TRIM44: variants seen among roughly 807,000 people sequenced by gnomAD.
The protein encoded by TRIM44 is tripartite motif containing 44, also known as tripartite motif-containing protein 44.
Under a neutral mutation model 37.4 loss-of-function variants are expected in TRIM44, and 13 were observed. That is an observed-to-expected ratio of 0.35 (90% CI 0.23 to 0.55). TRIM44 has a LOEUF of 0.55. Ranked by LOEUF, TRIM44 falls within the 20% of genes least tolerant of loss-of-function variation. The pLI is 0.89. For missense variants in TRIM44, 426 were observed against 437.2 expected (o/e 0.97, Z 0.23); for synonymous variants, 175 against 157.2 (o/e 1.11, Z -0.85).
chr11:35,701,643 T>A (rs1311344938), intron 2 of TRIM44, among the ~76,000 whole-genome samples: 2 of 152,200 alleles, frequency 1.3e-5, no homozygotes, highest in African/African-American at 4.8e-5. Flanking sequence ...ACCAGTTTTC[T>A]GGGCTGTCTT....
chr11:35,768,990 C>G (rs1325352960), intron 4 of TRIM44, among the ~76,000 whole-genome samples: 1 of 152,140 alleles, frequency 6.6e-6, no homozygotes, highest in African/African-American at 2.4e-5. Flanking sequence ...CATCAAAAAG[C>G]AGATGTTTAA....
intron 4 of TRIM44, among the ~76,000 whole-genome samples, chr11:35,750,679 C>G (rs781019438): frequency 2.0e-5 from 3 of 152,138 alleles, no homozygotes; most frequent in Non-Finnish European, 4.4e-5. Context: ...TTTTTCTCCA[C>G]TAGATGTTGG....
chr11:35,708,984 C>T (rs1162074982), intron 2 of TRIM44, among the ~76,000 whole-genome samples: 4 of 11,276 alleles, frequency 3.5e-4, no homozygotes, highest in Non-Finnish European at 5.3e-4. Flanking sequence ...GTTGCCATGC[C>T]CCCCCCCCAA....
chr11:35,772,687 C>G (rs948430995), intron 4 of TRIM44, among the ~76,000 whole-genome samples: 2 of 152,148 alleles, frequency 1.3e-5, no homozygotes, highest in Admixed American at 1.3e-4. Context: ...TTACCCATGT[C>G]ACACAGGTAG....
chr11:35,713,269 T>TC (rs1167134162), intron 2 of TRIM44, among the ~76,000 whole-genome samples: 1 of 152,144 alleles, frequency 6.6e-6, no homozygotes, highest in African/African-American at 2.4e-5. Flanking sequence ...TCTCCCTACT[T>TC]CCTAACTCAG....
At chr11:35,669,456 CTTTATTTATTTA>C (rs35954725) in intron 1 of TRIM44, among the ~76,000 whole-genome samples, 94 of 148,394 alleles carry the variant, frequency 6.3e-4, no homozygotes, top group East Asian at 3.0e-3. Context: ...AAAGGATCCC[CTTTATTTATTTA>C]TTTATTTATT....
intron 4 of TRIM44, among the ~76,000 whole-genome samples, chr11:35,782,901 A>G (rs969112242): frequency 6.6e-6 from 1 of 152,208 alleles, no homozygotes; most frequent in African/African-American, 2.4e-5. Flanking sequence ...GCCTCCTTAT[A>G]ATAAGTTTGT....
Position 35,771,475 on chromosome 11 carries a change from C to T in TRIM44, c.1008-34883C>T, listed in dbSNP as rs185290309. Among the ~76,000 whole-genome samples the T allele has an allele frequency of 1.9e-3, 292 of 152,194 alleles. 2 individuals are homozygous for T. The highest frequency in any genetic ancestry group is 6.5e-3 in the African/African-American group (271 of 41,534). On this transcript the variant is annotated intron_variant, in intron 4 of 4. Coordinates refer to ENST00000299413, the MANE Select transcript of TRIM44 (RefSeq NM_017583.6). ...GCACGGTGGCTCATGCCTGTAATCCCGGCACTTTGGGAGGCCAAGGTGGGC... is the reference window on the plus strand; with the variant it reads ...GCACGGTGGCTCATGCCTGTAATCCTGGCACTTTGGGAGGCCAAGGTGGGC...
At chr11:35,696,573 G>A (rs956515831) in intron 2 of TRIM44, among the ~76,000 whole-genome samples, 1 of 151,816 alleles carries the variant, frequency 6.6e-6, no homozygotes, top group Non-Finnish European at 1.5e-5. Flanking sequence ...CAAAGGCCAA[G>A]CGCAGTGGCT....
chr11:35,779,316 G>T (rs1044932084), intron 4 of TRIM44, among the ~76,000 whole-genome samples: 1 of 152,206 alleles, frequency 6.6e-6, no homozygotes, highest in African/African-American at 2.4e-5. Flanking sequence ...TAGGGTGCAA[G>T]TGTCCCGATT....
chr11:35,760,557 A>G (rs1852711332), intron 4 of TRIM44, among the ~76,000 whole-genome samples: 1 of 152,202 alleles, frequency 6.6e-6, no homozygotes, highest in Admixed American at 6.5e-5. Flanking sequence ...TCAGTTGGAA[A>G]TGCAGAAATC....
Position 35,774,269 on chromosome 11 carries a change from T to C in TRIM44, c.1008-32089T>C, listed in dbSNP as rs559593041. Among the ~76,000 whole-genome samples, 133 of 152,368 alleles carry C rather than the reference T, an allele frequency of 8.7e-4. 1 individual carries two copies. Among genetic ancestry groups the C allele is most frequent in the African/African-American group, 3.1e-3 (129 of 41,590 alleles). ...GTGTCTGTTGGCTGCATAAATGTCT[T>C]CTTCTGAAAAGTGTCTGTCATATCC... On this transcript the variant is annotated intron_variant, in intron 4 of 4. Transcript: ENST00000299413.
At chr11:35,695,640 G>C (rs1364332397) in intron 2 of TRIM44, among the ~76,000 whole-genome samples, 1 of 152,028 alleles carries the variant, frequency 6.6e-6, no homozygotes, top group East Asian at 1.9e-4. Context: ...GATTTTGTGT[G>C]CTCATGAAGT....
intron 4 of TRIM44, among the ~76,000 whole-genome samples, chr11:35,738,670 T>C (rs1278695272): frequency 6.6e-6 from 1 of 152,232 alleles, no homozygotes; most frequent in African/African-American, 2.4e-5. Flanking sequence ...ATACATACTT[T>C]ACCCTTTCAA....
chr11:35,706,190 C>T (rs1348364271), intron 2 of TRIM44, among the ~76,000 whole-genome samples: 2 of 149,056 alleles, frequency 1.3e-5, no homozygotes, highest in African/African-American at 4.9e-5. Context: ...TTGACACATG[C>T]ACCCTCCCAA....
At position 35,663,646 on chromosome 11, in the gene TRIM44, T is replaced by G. The variant is rs1278754890; in HGVS notation, c.535T>G (p.Cys179Gly). 6.2e-7 allele frequency: 1 copy of G among 1,614,038 alleles called. No individual in the cohort carries two copies. The highest frequency in any genetic ancestry group is 8.5e-7 in the Non-Finnish European group (1 of 1,180,002). ...MEAERVAKRK[C>G]PDHGLDLSTY... ...AGCAGAGAGAGTGGCCAAGAGGAAG[T>G]GTCCGGACCATGGGCTTGATTTGAG... The change falls in exon 1 of 5, where the codon TGT (cysteine) becomes GGT (glycine). Residue 179 changes from cysteine to glycine, a missense_variant. Cys to Gly is a radical substitution (Grantham distance 159, BLOSUM62 -3). Coordinates refer to ENST00000299413, the MANE Select transcript of TRIM44 (RefSeq NM_017583.6).
At chr11:35,701,647 C>CAGCAGGCAGCAGT (rs1851790253) in intron 2 of TRIM44, among the ~76,000 whole-genome samples, 1 of 152,164 alleles carries the variant, frequency 6.6e-6, no homozygotes, top group East Asian at 1.9e-4. Context: ...GTTTTCTGGG[C>CAGCAGGCAGCAGT]TGTCTTGAAC....
At chr11:35,668,033 T>C (rs1039121877) in intron 1 of TRIM44, among the ~76,000 whole-genome samples, 2 of 152,202 alleles carry the variant, frequency 1.3e-5, no homozygotes, top group African/African-American at 4.8e-5. Flanking sequence ...CTGGAAGTAT[T>C]TGTGAAAGAT....
At chr11:35,729,181 A>T (rs1852221563) in intron 3 of TRIM44, among the ~76,000 whole-genome samples, 1 of 152,104 alleles carries the variant, frequency 6.6e-6, no homozygotes, top group Non-Finnish European at 1.5e-5. Flanking sequence ...CAAAAAAAAA[A>T]TACCCAAGAA....
Sources: gnomAD v4.1 joint callset for allele counts (sites outside exome capture counted in the v4.1 genomes callset) on GRCh38, gnomAD v4.1.1 for gene constraint, MANE v1.5 for transcripts, NCBI Gene and HGNC (gene_info 2026-07-23, HGNC 2026-07-21) for gene names.